The following MAX variants were observed in gnomAD, a reference collection of about 807,000 sequenced individuals.
MAX encodes the protein MYC associated transcriptional regulator X, also known as protein max.
A neutral mutation model predicts 22.3 loss-of-function variants in MAX; 3 were observed. The ratio of observed to expected loss-of-function variants is 0.13; its 90% CI spans 0.06 to 0.35. The LOEUF is 0.35. Among genes scored for constraint, MAX ranks in the 10% least tolerant of loss-of-function variants. The pLI is 1.00. For missense variants in MAX, 119 were observed against 209.4 expected, an observed-to-expected ratio of 0.57 and a Z score of 2.66; for synonymous variants, 72 against 77.7, an observed-to-expected ratio of 0.93 and a Z score of 0.39.
At chr14:65,013,877 A>T (rs4899159) in intron 3 of MAX, among the ~76,000 whole-genome samples, 2 of 152,052 alleles carry the variant, frequency 1.3e-5, no homozygotes, top group African/African-American at 4.8e-5. Context: ...TTGTAACTAC[A>T]TGAGGTAGAT....
chr14:65,088,986 CT>C lies in MAX; in HGVS notation c.171+4721del, dbSNP rs1435966253. ...TTAATGGAAATGAAACTGAGATTAA[CT>C]CAATGTAAAGCTCTTATCTGATGCT... On this transcript the variant is annotated intron_variant, in intron 3 of 4. Transcript: ENST00000358664. This position sits in a 1 kb window ranked among gnomAD's most constrained non-coding sequence, Gnocchi z 5.2. Among the ~76,000 whole-genome samples, 2 of 152,184 alleles carry C rather than the reference CT, an allele frequency of 1.3e-5. No individual in the cohort carries two copies. The highest frequency in any genetic ancestry group is 2.9e-5 in the Non-Finnish European group (2 of 68,024).
In MAX at chr14:65,044,362, T is replaced by C. The variant is rs754152276; in HGVS notation, c.172-38078A>G. On this transcript the variant is annotated intron_variant, in intron 3 of 3. Transcript: ENST00000341653. The surrounding 1 kb of genome is among the most constrained non-coding windows in gnomAD (Gnocchi z 5.5). ...ATTTGAAGGAGGATTTCAGGGCCGC[T>C]GCAACAAGCTGGTGGATGGCTGCTA... 3.1e-6 allele frequency: 5 copies of C among 1,613,422 alleles called. No individual in the cohort carries two copies. The East Asian group carries it at 6.7e-5, about 22-fold the overall frequency.
Position 65,078,636 on chromosome 14 carries a change from T to A in MAX, c.172-600A>T, listed in dbSNP as rs1269422481. On this transcript the variant is annotated intron_variant, in intron 3 of 4. Coordinates refer to ENST00000358664, the MANE Select transcript of MAX (RefSeq NM_002382.5). This position sits in a 1 kb window ranked among gnomAD's most constrained non-coding sequence, Gnocchi z 6.4. ...CCTCCACCTCCCAGGTTCAAGTGAT[T>A]CTTCTGCCTCAGCCTCCAGAGTAGC... 6.6e-6 allele frequency among the ~76,000 whole-genome samples: 1 copy of A among 152,056 alleles called. No individual in the cohort carries two copies. The highest frequency in any genetic ancestry group is 1.5e-5 in the Non-Finnish European group (1 of 68,018).
In MAX at chr14:65,044,728, T is replaced by TA. The variant is rs1303317332; in HGVS notation, c.172-38445dup. ...GAGGAAGTGGGCGCTGCTTCTGCGT[T>TA]ATCTGGAAGGAGCAGCCCACTCCTG... On this transcript the variant is annotated intron_variant, in intron 3 of 3. Coordinates refer to the MAX transcript ENST00000341653. This position sits in a 1 kb window ranked among gnomAD's most constrained non-coding sequence, Gnocchi z 5.5. 4 of 432,322 alleles carry TA rather than the reference T, an allele frequency of 9.3e-6. No homozygotes were observed. The highest frequency in any genetic ancestry group is 8.4e-5 in the African/African-American group (4 of 47,794). The allele number at this position is 432,322 out of a possible 1,614,324, so 26.8% of individuals were successfully genotyped here. A position where few individuals can be genotyped will look rare whatever the true frequency, so the allele number is the denominator to read the frequency against.
At chr14:65,066,824 T>C (rs1331243548) in intron 3 of MAX, among the ~76,000 whole-genome samples, 1 of 140,870 alleles carries the variant, frequency 7.1e-6, no homozygotes, top group African/African-American at 2.7e-5. Flanking sequence ...ATTGCACCCT[T>C]GCACTCCAGC....
At chr14:65,072,027 G>A (rs1156545248), downstream of MAX, among the ~76,000 whole-genome samples, 2 of 152,102 alleles carry the variant, frequency 1.3e-5, no homozygotes, top group Non-Finnish European at 2.9e-5. Context: ...TTCTCTATTC[G>A]CTATCTAGCA....
chr14:65,101,819 G>C (rs2063851613), intron 1 of MAX: 2 of 577,154 alleles, frequency 3.5e-6, no homozygotes, highest in South Asian at 4.2e-5. Flanking sequence ...GGGGTCCCGA[G>C]CACTGTCTCC....
chr14:65,071,249 C>T (rs1334360463), downstream of MAX, among the ~76,000 whole-genome samples: 1 of 152,046 alleles, frequency 6.6e-6, no homozygotes, highest in Non-Finnish European at 1.5e-5. The surrounding 1 kb of genome is among the most constrained non-coding windows in gnomAD (Gnocchi z 4.2). Flanking sequence ...TCAAGCGATT[C>T]TCCTGCCTCA....
At position 65,093,960 on chromosome 14, in the gene MAX, G is replaced by C; in HGVS notation, c.64-145C>G. The C allele has an allele frequency of 1.4e-6, 1 of 703,004 alleles. No individual in the cohort carries two copies. The highest frequency in any genetic ancestry group is 2.6e-6 in the Non-Finnish European group (1 of 381,376). 43.5% of individuals were successfully genotyped at this position (703,004 alleles called of 1,614,324 possible). A position where few individuals can be genotyped will look rare whatever the true frequency, so the allele number is the denominator to read the frequency against. On this transcript the variant is annotated intron_variant, in intron 2 of 4. Transcript: ENST00000358664. This position sits in a 1 kb window ranked among gnomAD's most constrained non-coding sequence, Gnocchi z 4.4. ...AGGATTTCTCGAGGTGGGCAGTTAG[G>C]AGTCTCCAGAATTAGGCTCTGCTAA...
In MAX at chr14:65,032,532, C is replaced by A; in HGVS notation, c.172-26248G>T. ...ATTACAGCTTACTAGGCAAGGCGAG[C>A]AGTCCGCCCGCGGAGTTCACTGAGC... is the stretch of plus-strand genomic sequence containing the variant. On this transcript the variant is annotated intron_variant, in intron 3 of 3. Transcript: ENST00000341653. This position sits in a 1 kb window ranked among gnomAD's most constrained non-coding sequence, Gnocchi z 5.0. 1 of 1,516,970 alleles carries A rather than the reference C, an allele frequency of 6.6e-7. No individual in the cohort carries two copies. The highest frequency in any genetic ancestry group is 1.2e-5 in the South Asian group (1 of 82,200). 94.0% of individuals were successfully genotyped at this position (1,516,970 alleles called of 1,614,324 possible).
At position 65,032,491 on chromosome 14, in the gene MAX, G is replaced by C; in HGVS notation, c.172-26207C>G. On this transcript the variant is annotated intron_variant, in intron 3 of 3. Coordinates refer to the MAX transcript ENST00000341653. This position sits in a 1 kb window ranked among gnomAD's most constrained non-coding sequence, Gnocchi z 5.0. The stretch of plus-strand genomic sequence containing the variant: ...CAGGAGGACTGACCGTGTGCCAAGA[G>C]TGAGGACAGGAGGTGATTACAGCTT... 1 of 1,029,686 alleles carries C rather than the reference G, an allele frequency of 9.7e-7. No homozygotes were observed. Among genetic ancestry groups the C allele is most frequent in the Non-Finnish European group, 1.4e-6 (1 of 728,890 alleles). 63.8% of individuals were successfully genotyped at this position (1,029,686 alleles called of 1,614,324 possible).
At position 65,076,234 on chromosome 14, in the gene MAX, T is replaced by C; in HGVS notation, c.*242A>G. ...AAGTTGGGGTGTTTTGGTTTAAAAA[T>C]TCCTGTTGGGGACAGGGAATCCCTG... On this transcript the variant is annotated 3_prime_UTR_variant, in exon 5 of 5. Transcript: ENST00000358664. This position sits in a 1 kb window ranked among gnomAD's most constrained non-coding sequence, Gnocchi z 6.6. 1 of 1,425,496 alleles carries C rather than the reference T, an allele frequency of 7.0e-7. No individual in the cohort carries two copies. The highest frequency in any genetic ancestry group is 9.1e-7 in the Non-Finnish European group (1 of 1,095,774). The allele number at this position is 1,425,496 out of a possible 1,614,324, so 88.3% of individuals were successfully genotyped here.
At chr14:65,019,101 AGGC>A (rs2061837573) in intron 3 of MAX, among the ~76,000 whole-genome samples, 8 of 152,122 alleles carry the variant, frequency 5.3e-5, no homozygotes, top group Admixed American at 4.6e-4. Context: ...TGAACCCGGG[AGGC>A]GGAGGTTGCG....
Position 65,028,307 on chromosome 14 carries a change from G to A in MAX, c.172-22023C>T, listed in dbSNP as rs561616456. On this transcript the variant is annotated intron_variant, in intron 3 of 3. Transcript: ENST00000341653. The surrounding 1 kb of genome is among the most constrained non-coding windows in gnomAD (Gnocchi z 4.4). ...TTAACTGATTGGTGCCAGTTAGCTC[G>A]AAATTATTATTTTCTTCCATAAGTG... Among the ~76,000 whole-genome samples the A allele has an allele frequency of 2.6e-5, 4 of 152,264 alleles. No homozygotes were observed. Among genetic ancestry groups the A allele is most frequent in the African/African-American group, 4.8e-5 (2 of 41,542 alleles).
At chr14:65,008,822 C>G (rs4466998) in intron 3 of MAX, among the ~76,000 whole-genome samples, 3 of 152,006 alleles carry the variant, frequency 2.0e-5, no homozygotes, top group African/African-American at 7.2e-5. Context: ...ATAAGAAATT[C>G]TATTTAAATC....
chr14:65,092,091 A>C (rs1052203438), intron 3 of MAX, among the ~76,000 whole-genome samples: 4 of 152,250 alleles, frequency 2.6e-5, no homozygotes, highest in Admixed American at 6.5e-5. Flanking sequence ...CTTAAGGAAG[A>C]ATGTTATGGC....
In MAX at chr14:65,093,223, C is replaced by T. The variant is rs1342322116; in HGVS notation, c.171+485G>A. Among the ~76,000 whole-genome samples the T allele has an allele frequency of 1.3e-5, 2 of 152,104 alleles. No individual in the cohort carries two copies. Among genetic ancestry groups the T allele is most frequent in the African/African-American group, 2.4e-5 (1 of 41,406 alleles). On this transcript the variant is annotated intron_variant, in intron 3 of 4. Transcript: ENST00000358664. The surrounding 1 kb of genome is among the most constrained non-coding windows in gnomAD (Gnocchi z 4.4). ...TGCTCTTTATACGCCTTGGAAATAA[C>T]AATTATTGGGGCTGGAAAATCAATG...
intron 3 of MAX, chr14:65,040,693 A>G: frequency 2.1e-6 from 3 of 1,407,326 alleles, no homozygotes; most frequent in Non-Finnish European, 2.8e-6. Context: ...TCACACCTTA[A>G]TCTGAGTGAA....
intron 3 of MAX, among the ~76,000 whole-genome samples, chr14:65,057,889 C>CAAGAGAGAAAA (rs2062774356): frequency 6.6e-6 from 1 of 152,180 alleles, no homozygotes; most frequent in African/African-American, 2.4e-5. Context: ...TTTCTGGACT[C>CAAGAGAGAAAA]TCTTATTTTG....
Sources: gnomAD v4.1 joint callset for allele counts (sites outside exome capture counted in the v4.1 genomes callset) on GRCh38, gnomAD v4.1.1 for gene constraint, Gnocchi (gnomAD v3.1) non-coding constraint, MANE v1.5 for transcripts, NCBI Gene and HGNC (gene_info 2026-07-23, HGNC 2026-07-21) for gene names.